Variants in CTNND1 observed in about 807,000 individuals in gnomAD.
The protein encoded by CTNND1 is catenin delta-1.
A neutral mutation model predicts 112.1 loss-of-function variants in CTNND1; 16 were observed. The observed-to-expected ratio is 0.14, with a 90% CI of 0.10 to 0.22. The LOEUF (loss-of-function observed/expected upper bound fraction) is 0.22. Among genes scored for constraint, CTNND1 ranks in the 10% least tolerant of loss-of-function variants. The probability of loss-of-function intolerance (pLI) is 1.00; values close to 1 mark genes in which losing one functional copy is unlikely to be tolerated. For synonymous variants in CTNND1, 420 were observed against 446.5 expected (o/e 0.94, Z 0.75); for missense variants, 1,008 against 1,257.0 (o/e 0.80, Z 3.00).
rs147590952 is a variant in CTNND1, at chr11:57,811,702, C to T, written c.2638+216C>T. On this transcript the variant is annotated intron_variant, in intron 17 of 20. Coordinates refer to ENST00000399050, the MANE Select transcript of CTNND1 (RefSeq NM_001085458.2). The stretch of plus-strand genomic sequence containing the variant: ...ATTAGCCTGAATGTGATTCCTTTAT[C>T]ATTGCTTGTGAACTTAAAACACTGG... Among the ~76,000 whole-genome samples the T allele has an allele frequency of 3.0e-3, 459 of 152,330 alleles. 4 individuals are homozygous for T. The highest frequency in any genetic ancestry group is 4.9e-3 in the Non-Finnish European group (331 of 68,034).
intron 3 of CTNND1, among the ~76,000 whole-genome samples, chr11:57,792,617 G>A (rs1565325822): frequency 1.3e-5 from 2 of 152,182 alleles, no homozygotes; most frequent in South Asian, 2.1e-4. Context: ...TGCAACGTTC[G>A]CCTCCCGGGT....
Position 57,780,071 on chromosome 11 carries a change from T to TTTTTTTG in CTNND1, c.-213-8966_-213-8965insTTTTTTG, listed in dbSNP as rs58673483. On this transcript the variant is annotated intron_variant, in intron 1 of 20. Transcript: ENST00000399050. ...ACTAGAATGACTTTTTTTTTTTTTT[T>TTTTTTTG]GAGACAGGGTCTTACTCTGTCACTG... Among the ~76,000 whole-genome samples, 335 of 129,218 alleles carry TTTTTTTG rather than the reference T, an allele frequency of 2.6e-3. 28 individuals are homozygous for TTTTTTTG. Among genetic ancestry groups the TTTTTTTG allele is most frequent in the South Asian group, 8.8e-3 (36 of 4,070 alleles). The allele number at this position is 129,218 out of a possible 152,430, so 84.8% of individuals were successfully genotyped here.
At chr11:57,801,617 G>A (rs2062030316) in intron 6 of CTNND1, 116 bp from the exon 7 acceptor site, 1 of 773,190 alleles carries the variant, frequency 1.3e-6, no homozygotes. Context: ...GGAGAGATAA[G>A]ATGAGCACAC....
intron 6 of CTNND1, among the ~76,000 whole-genome samples, chr11:57,801,302 A>G (rs2061998356): frequency 6.6e-6 from 1 of 152,150 alleles, no homozygotes; most frequent in Admixed American, 6.6e-5. Context: ...TTGGTTAAGG[A>G]ACTGTTCTCA....
chr11:57,798,311 C>A (rs2061593426), intron 6 of CTNND1, among the ~76,000 whole-genome samples: 1 of 144,732 alleles, frequency 6.9e-6, no homozygotes, highest in African/African-American at 2.6e-5. Flanking sequence ...CCCGCCACTG[C>A]ACTCCAGCCT....
At chr11:57,764,636 G>A (rs1392570140) in intron 1 of CTNND1, among the ~76,000 whole-genome samples, 1 of 151,924 alleles carries the variant, frequency 6.6e-6, no homozygotes, top group Non-Finnish European at 1.5e-5. Flanking sequence ...TCCCACCACT[G>A]GTTTTTTTGT....
chr11:57,816,582 G>A lies in CTNND1; in HGVS notation c.*274G>A, dbSNP rs1009345934. On this transcript the variant is annotated 3_prime_UTR_variant, in exon 21 of 21. Coordinates refer to ENST00000399050, the MANE Select transcript of CTNND1 (RefSeq NM_001085458.2). ...TTGCATATTTTGAGAAACTGCTGCA[G>A]ATTAGTTCTTTTTGCCAGTTTTCCC... 1.8e-6 allele frequency: 1 copy of A among 541,696 alleles called. No individual in the cohort carries two copies. Among genetic ancestry groups the A allele is most frequent in the Non-Finnish European group, 3.3e-6 (1 of 302,778 alleles). 33.6% of individuals were successfully genotyped at this position (541,696 alleles called of 1,614,324 possible). A position where few individuals can be genotyped will look rare whatever the true frequency, so the allele number is the denominator to read the frequency against.
intron 16 of CTNND1, among the ~76,000 whole-genome samples, chr11:57,811,112 C>T (rs2063303073): frequency 6.6e-6 from 1 of 152,108 alleles, no homozygotes; most frequent in Admixed American, 6.6e-5. Flanking sequence ...TTGACTTTTG[C>T]CCAAATCTAC....
At chr11:57,786,102 CTA>C (rs951469268) in intron 1 of CTNND1, among the ~76,000 whole-genome samples, 2 of 151,642 alleles carry the variant, frequency 1.3e-5, no homozygotes, top group African/African-American at 4.9e-5. Context: ...GAGAGTAAAA[CTA>C]GGTATTCTCA....
rs771515687 is a variant in CTNND1 at position 57,791,659 on chromosome 11, A to T, written c.181A>T (p.Thr61Ser). Reference protein sequence around the residue: ...ANPLMANGTLTRRHQNGRFVG... With the variant: ...ANPLMANGTLSRRHQNGRFVG... The stretch of plus-strand genomic sequence containing the variant: ...CCCACTCATGGCCAACGGCACACTC[A>T]CCCGCCGGCATCAGGTAACCCCTCT... The change falls in exon 3 of 21, where the codon ACC becomes TCC. Residue 61 changes from threonine (T) to serine (S), a missense_variant. Around this residue, in one of 5 missense-constraint regions of CTNND1, gnomAD observed 404 missense variants for 457.9 expected, o/e 0.88. Transcript: ENST00000399050. The T allele has an allele frequency of 3.3e-5, 51 of 1,560,434 alleles. No individual in the cohort carries two copies. Among genetic ancestry groups the T allele is most frequent in the Non-Finnish European group, 2.6e-6 (3 of 1,149,688 alleles).
At chr11:57,769,391 TC>T (rs1314399534) in intron 1 of CTNND1, among the ~76,000 whole-genome samples, 5 of 152,008 alleles carry the variant, frequency 3.3e-5, no homozygotes, top group Admixed American at 1.3e-4. Flanking sequence ...CTCAAGTGAT[TC>T]TCCTACTTCA....
chr11:57,799,025 A>C (rs897950648), intron 6 of CTNND1, among the ~76,000 whole-genome samples: 3 of 152,152 alleles, frequency 2.0e-5, no homozygotes, highest in Non-Finnish European at 4.4e-5. Context: ...TGGGGTCATG[A>C]CCTTTTAAAG....
At chr11:57,773,330 T>C (rs1953215449) in intron 1 of CTNND1, among the ~76,000 whole-genome samples, 1 of 152,084 alleles carries the variant, frequency 6.6e-6, no homozygotes, top group African/African-American at 2.4e-5. Context: ...ACATGGTCTC[T>C]ATATGTTGCC....
rs376382187 is a variant in CTNND1, at chr11:57,810,114, G to A, written c.2441G>A (p.Arg814His). The A allele has an allele frequency of 9.8e-5, 157 of 1,607,582 alleles. No individual in the cohort carries two copies. The highest frequency in any genetic ancestry group is 5.0e-4 in the Middle Eastern group (3 of 6,050). Reference sequence around the variant, plus strand: ...GGTGTTACTTTCCTCCAAAGGAACCGCTCAGAAAAAGAAGTTCGAGCAGCA... The same window carrying A: ...GGTGTTACTTTCCTCCAAAGGAACCACTCAGAAAAAGAAGTTCGAGCAGCA... ...KLVLINKSGN[R>H]SEKEVRAAAL... Residue 814 changes from arginine to histidine, a missense_variant, in exon 16 of 21, where the codon CGC becomes CAC. By Grantham distance (29) the Arg-to-His change is conservative (BLOSUM62 0). This residue lies in a region of CTNND1 where 254 missense variants were observed against 279.5 expected (regional missense o/e 0.91). Coordinates refer to ENST00000399050, the MANE Select transcript of CTNND1 (RefSeq NM_001085458.2).
rs1236770044 is a variant in CTNND1, at chr11:57,808,466, A to G, written c.2168A>G (p.His723Arg). The G allele has an allele frequency of 3.1e-6, 5 of 1,613,420 alleles. No individual in the cohort carries two copies. The highest frequency in any genetic ancestry group is 1.1e-5 in the South Asian group (1 of 90,990). ...ATAGCTGACCTCCTGACTAATGAAC[A>G]TGAACGGGTGGTGAAAGCTGCATCT... Reference protein sequence around the residue: ...SAIADLLTNEHERVVKAASGA... With the variant: ...SAIADLLTNERERVVKAASGA... Residue 723 changes from histidine (H) to arginine (R), a missense_variant, in exon 14 of 21, where the codon CAT becomes CGT. This residue lies in a region of CTNND1 where 254 missense variants were observed against 279.5 expected (regional missense o/e 0.91). Transcript: ENST00000399050.
Position 57,796,586 on chromosome 11 carries a change from A to G in CTNND1, c.550A>G (p.Lys184Glu). The change falls in exon 6 of 21, where the codon AAG (lysine) becomes GAG (glutamate). Residue 184 changes from lysine to glutamate, a missense_variant. By Grantham distance (56) the Lys-to-Glu change is moderately conservative. This residue lies in a region of CTNND1 where 404 missense variants were observed against 457.9 expected (regional missense o/e 0.88). Coordinates refer to ENST00000399050, the MANE Select transcript of CTNND1 (RefSeq NM_001085458.2). ...YIQTLGRDFR[K>E]NGNGGPGPYV... ...CCAGACTTTGGGTCGTGATTTCCGC[A>G]AGAATGGCAATGGGGGACCTGGTCC... 1.9e-6 allele frequency: 3 copies of G among 1,614,010 alleles called. No homozygotes were observed. Among genetic ancestry groups the G allele is most frequent in the Non-Finnish European group, 2.5e-6 (3 of 1,179,898 alleles).
intron 2 of CTNND1, 27 bp from the exon 3 acceptor site, chr11:57,791,358 C>G (rs904555769): frequency 2.1e-5 from 28 of 1,342,018 alleles, no homozygotes; most frequent in African/African-American, 6.1e-5. Context: ...GACCTTTTCT[C>G]TCCTTTCTCT....
Position 57,791,645 on chromosome 11 carries a change from C to T in CTNND1, c.167C>T (p.Ala56Val), listed in dbSNP as rs768249407. 4.4e-6 allele frequency: 7 copies of T among 1,586,638 alleles called. No individual in the cohort carries two copies. In the East Asian group the frequency reaches 1.6e-4, roughly 37 times the overall value. ...CCACAAGATGCCAACCCACTCATGG[C>T]CAACGGCACACTCACCCGCCGGCAT... is the stretch of plus-strand genomic sequence containing the variant. Reference protein sequence around the residue: ...VSPQDANPLMANGTLTRRHQN... With the variant: ...VSPQDANPLMVNGTLTRRHQN... Residue 56 changes from alanine to valine, a missense_variant, in exon 3 of 21, where the codon GCC becomes GTC. Ala to Val is a moderately conservative substitution (Grantham distance 64). Transcript: ENST00000399050.
At chr11:57,803,937 C>T in intron 8 of CTNND1, 133 bp downstream of exon 8, 1 of 609,042 alleles carries the variant, frequency 1.6e-6, no homozygotes, top group Non-Finnish European at 2.7e-6. Flanking sequence ...CATACTGTAA[C>T]TCCAACCTTT....
Sources: gnomAD v4.1 joint callset for allele counts (sites outside exome capture counted in the v4.1 genomes callset) on GRCh38, gnomAD v4.1.1 for gene constraint, gnomAD v4.1.1 regional missense constraint, MANE v1.5 for transcripts, NCBI Gene and HGNC (gene_info 2026-07-23, HGNC 2026-07-21) for gene names.